Variants in CHRM5 observed in about 807,000 individuals in gnomAD.
The protein encoded by CHRM5 is muscarinic acetylcholine receptor M5.
Under a neutral mutation model 39.0 loss-of-function variants are expected in CHRM5, and 18 were observed. The ratio of observed to expected loss-of-function variants is 0.46; its 90% CI spans 0.32 to 0.68. The LOEUF (loss-of-function observed/expected upper bound fraction) is 0.68. CHRM5 is among the 30% of genes least tolerant of loss of function. CHRM5 has a pLI of 0.04. For synonymous variants in CHRM5, 241 were observed against 246.3 expected (o/e 0.98, Z 0.20); for missense variants, 515 against 651.1 (o/e 0.79, Z 2.28).
intron 1 of CHRM5, among the ~76,000 whole-genome samples, chr15:33,993,520 A>C (rs1896811647): frequency 6.6e-6 from 1 of 152,210 alleles, no homozygotes; most frequent in Non-Finnish European, 1.5e-5. Context: ...CTCTCCAAAA[A>C]TGGTTCCCAC....
At chr15:33,970,214 T>C (rs1488948979) in intron 1 of CHRM5, among the ~76,000 whole-genome samples, 1 of 151,944 alleles carries the variant, frequency 6.6e-6, no homozygotes, top group East Asian at 1.9e-4. Flanking sequence ...GAAATTCTCT[T>C]CCATTTCACT....
At chr15:33,980,504 T>C (rs1896089229) in intron 1 of CHRM5, among the ~76,000 whole-genome samples, 2 of 152,218 alleles carry the variant, frequency 1.3e-5, no homozygotes, top group African/African-American at 2.4e-5. Context: ...CTGATGGCCA[T>C]ATATGACATG....
intron 1 of CHRM5, among the ~76,000 whole-genome samples, chr15:34,031,119 GT>G (rs57568607): frequency 0.79 from 115,749 of 147,214 alleles, 48,424 homozygotes; most frequent in Non-Finnish European, 0.92. Flanking sequence ...ATACATATGA[GT>G]TTTTTTTTGT....
At chr15:33,980,739 C>T (rs1896101137) in intron 1 of CHRM5, among the ~76,000 whole-genome samples, 1 of 152,196 alleles carries the variant, frequency 6.6e-6, no homozygotes, top group South Asian at 2.1e-4. Context: ...CAAATTACTT[C>T]TTGCTCTAAG....
intron 1 of CHRM5, among the ~76,000 whole-genome samples, chr15:34,006,308 C>T (rs1379173955): frequency 7.4e-6 from 1 of 134,840 alleles, no homozygotes; most frequent in Non-Finnish European, 1.6e-5. Context: ...GAGACTCCGT[C>T]TCAAAAAAAA....
chr15:34,053,313 A>ATATAT (rs1480493613), intron 2 of CHRM5, among the ~76,000 whole-genome samples: 16 of 94,586 alleles, frequency 1.7e-4, no homozygotes, highest in African/African-American at 3.5e-4. Context: ...AAAAAAAAAA[A>ATATAT]AAAAAAATAT....
chr15:33,970,008 T>C (rs931220095), intron 1 of CHRM5, among the ~76,000 whole-genome samples: 1 of 152,044 alleles, frequency 6.6e-6, no homozygotes, highest in Non-Finnish European at 1.5e-5. Flanking sequence ...TTGGTTTTCA[T>C]GAGTTTCATT....
chr15:33,978,683 T>G lies in CHRM5; in HGVS notation c.-408+9533T>G, dbSNP rs181705362. Among the ~76,000 whole-genome samples the G allele has an allele frequency of 3.8e-4, 58 of 151,650 alleles. 2 individuals are homozygous for G. The East Asian group carries it at 0.01, about 27-fold the overall frequency. On this transcript the variant is annotated intron_variant, in intron 1 of 2. Coordinates refer to ENST00000383263, the MANE Select transcript of CHRM5 (RefSeq NM_012125.4). Reference sequence around the variant, plus strand: ...GTTTCAAAATAAATAAATAAATAAATAAAAATAAAAATAAATAAAATTAAG... The same window carrying G: ...GTTTCAAAATAAATAAATAAATAAAGAAAAATAAAAATAAATAAAATTAAG...
Position 33,988,293 on chromosome 15 carries a change from A to AT in CHRM5, c.-408+19144dup, listed in dbSNP as rs568562122. Reference sequence around the variant, plus strand: ...ATATATTTCGATTTTAATGAACAGTATCAAGTGCAAAAAATTCCAACCTTG... The same window carrying AT: ...ATATATTTCGATTTTAATGAACAGTATTCAAGTGCAAAAAATTCCAACCTTG... On this transcript the variant is annotated intron_variant, in intron 1 of 2. Coordinates refer to ENST00000383263, the MANE Select transcript of CHRM5 (RefSeq NM_012125.4). 1.2e-4 allele frequency among the ~76,000 whole-genome samples: 19 copies of AT among 152,352 alleles called. 1 individual carries two copies. The East Asian group carries it at 3.5e-3, about 28-fold the overall frequency.
In CHRM5 at chr15:34,062,676, C is replaced by T; in HGVS notation, c.-42C>T. 3 of 1,563,036 alleles carry T rather than the reference C, an allele frequency of 1.9e-6. No homozygotes were observed. The highest frequency in any genetic ancestry group is 1.7e-6 in the Non-Finnish European group (2 of 1,152,278). ...CAAGAAGAGCTGAAATAGAAAACAG[C>T]CTAGAACCTAACACTATTTACTGTA... On this transcript the variant is annotated 5_prime_UTR_variant, in exon 3 of 3. Coordinates refer to ENST00000383263, the MANE Select transcript of CHRM5 (RefSeq NM_012125.4).
At chr15:33,999,509 C>A (rs1214337347) in intron 1 of CHRM5, among the ~76,000 whole-genome samples, 1 of 152,174 alleles carries the variant, frequency 6.6e-6, no homozygotes, top group African/African-American at 2.4e-5. Context: ...ACTGGTACCT[C>A]CTATAACTTA....
At chr15:34,022,710 A>G (rs1898256550) in intron 1 of CHRM5, among the ~76,000 whole-genome samples, 1 of 152,106 alleles carries the variant, frequency 6.6e-6, no homozygotes, top group Non-Finnish European at 1.5e-5. Context: ...AATTTTAAAG[A>G]CTCCAAGGAT....
intron 1 of CHRM5, among the ~76,000 whole-genome samples, chr15:33,977,214 T>C (rs529955054): frequency 1.3e-5 from 2 of 152,308 alleles, no homozygotes; most frequent in South Asian, 4.1e-4. Flanking sequence ...CACAAAAAGC[T>C]GGAGTTCTTA....
intron 1 of CHRM5, among the ~76,000 whole-genome samples, chr15:33,996,399 T>C (rs1034697946): frequency 1.3e-5 from 2 of 152,198 alleles, no homozygotes; most frequent in Non-Finnish European, 2.9e-5. Context: ...CTGAACCCCA[T>C]GTAGCCTAAC....
At chr15:34,021,830 G>A (rs753712925) in intron 1 of CHRM5, among the ~76,000 whole-genome samples, 80 of 152,140 alleles carry the variant, frequency 5.3e-4, no homozygotes, top group African/African-American at 1.8e-3. Context: ...ACTCCAGCCT[G>A]GGTGGACAGC....
intron 2 of CHRM5, among the ~76,000 whole-genome samples, chr15:34,054,137 C>G (rs765268837): frequency 6.6e-6 from 1 of 152,176 alleles, no homozygotes; most frequent in Non-Finnish European, 1.5e-5. Flanking sequence ...GATCCCATCT[C>G]ATGCCAGTGA....
chr15:34,060,493 G>GTTA (rs1196553527), intron 2 of CHRM5, among the ~76,000 whole-genome samples: 1 of 152,176 alleles, frequency 6.6e-6, no homozygotes, highest in African/African-American at 2.4e-5. Flanking sequence ...GTCAGTTACT[G>GTTA]TTATCAAAAA....
Position 34,062,688 on chromosome 15 carries a change from C to T in CHRM5, c.-30C>T. The stretch of plus-strand genomic sequence containing the variant: ...AAATAGAAAACAGCCTAGAACCTAA[C>T]ACTATTTACTGTAAAATTTTTGCAC... On this transcript the variant is annotated 5_prime_UTR_variant, in exon 3 of 3. Coordinates refer to ENST00000383263, the MANE Select transcript of CHRM5 (RefSeq NM_012125.4). 7.0e-6 allele frequency: 11 copies of T among 1,579,834 alleles called. No homozygotes were observed. The highest frequency in any genetic ancestry group is 8.6e-6 in the Non-Finnish European group (10 of 1,161,960).
chr15:33,993,756 G>C (rs990371756), intron 1 of CHRM5, among the ~76,000 whole-genome samples: 1 of 152,062 alleles, frequency 6.6e-6, no homozygotes, highest in African/African-American at 2.4e-5. Context: ...CTCCCCACTA[G>C]AGGTGACCGC....
Sources: allele counts gnomAD v4.1 joint callset (sites outside exome capture counted in the v4.1 genomes callset), GRCh38; gene constraint gnomAD v4.1.1; transcripts MANE v1.5; gene names NCBI Gene and HGNC (gene_info 2026-07-23, HGNC 2026-07-21).